The following PECAM1 variants were observed in gnomAD, a reference collection of about 807,000 sequenced individuals.
The protein encoded by PECAM1 is platelet and endothelial cell adhesion molecule 1, also known as platelet endothelial cell adhesion molecule.
A neutral mutation model predicts 13.8 loss-of-function variants in PECAM1; 8 were observed. The ratio of observed to expected loss-of-function variants is 0.58; its 90% CI spans 0.34 to 1.05. PECAM1 has a LOEUF of 1.05. Among genes scored for constraint, PECAM1 ranks in the 50% least tolerant of loss-of-function variants. The pLI is 0.03. For missense variants in PECAM1, 304 were observed against 141.2 expected, an observed-to-expected ratio of 2.15 and a Z score of -5.84; for synonymous variants, 136 against 52.6, an observed-to-expected ratio of 2.58 and a Z score of -6.86.
intron 13 of PECAM1, among the ~76,000 whole-genome samples, chr17:64,345,827 C>A (rs967036846): frequency 6.6e-6 from 1 of 151,546 alleles, no homozygotes; most frequent in African/African-American, 2.4e-5. Flanking sequence ...CAGTACACAA[C>A]CCCCGGGGGC....
intron 2 of PECAM1, among the ~76,000 whole-genome samples, chr17:64,388,093 A>T (rs895723594): frequency 1.3e-5 from 2 of 152,152 alleles, no homozygotes; most frequent in African/African-American, 2.4e-5. Flanking sequence ...TCCCTGTGCC[A>T]TGTGCTGCAG....
chr17:64,337,836 T>G (rs1431677597), intron 14 of PECAM1, among the ~76,000 whole-genome samples: 2 of 151,962 alleles, frequency 1.3e-5, no homozygotes, highest in Non-Finnish European at 2.9e-5. Context: ...ATAAGGATTG[T>G]TTTGAGCTGG....
chr17:64,361,909 CGT>C (rs1292200391), intron 6 of PECAM1, among the ~76,000 whole-genome samples: 2 of 152,024 alleles, frequency 1.3e-5, no homozygotes, highest in African/African-American at 4.8e-5. Flanking sequence ...TAAAATAAAA[CGT>C]TATAACACAC....
intron 2 of PECAM1, among the ~76,000 whole-genome samples, chr17:64,383,155 T>C (rs1223240020): frequency 6.6e-6 from 1 of 152,228 alleles, no homozygotes; most frequent in African/African-American, 2.4e-5. Context: ...GAGTCATTCA[T>C]CTGCTCTCCT....
At position 64,386,764 on chromosome 17, in the gene PECAM1, C is replaced by T. The variant is rs892890543; in HGVS notation, c.91+3725G>A. On this transcript the variant is annotated intron_variant, in intron 2 of 15. Coordinates refer to ENST00000563924, the MANE Select transcript of PECAM1 (RefSeq NM_000442.5). ...CTGGGCAACAAAATGAGACCCCAGT[C>T]TCTACAAAAACAAACAAACAAACAG... is the stretch of plus-strand genomic sequence containing the variant. Among the ~76,000 whole-genome samples, 7 of 152,210 alleles carry T rather than the reference C, an allele frequency of 4.6e-5. No individual in the cohort carries two copies. In the South Asian group the frequency reaches 1.0e-3, roughly 23 times the overall value.
At chr17:64,358,770 C>T (rs991005661) in intron 7 of PECAM1, among the ~76,000 whole-genome samples, 1 of 151,958 alleles carries the variant, frequency 6.6e-6, no homozygotes, top group Admixed American at 6.6e-5. Context: ...ATGCCTCACA[C>T]CATTAGGTGC....
intron 2 of PECAM1, among the ~76,000 whole-genome samples, chr17:64,385,654 A>G (rs2036576678): frequency 6.6e-6 from 1 of 152,162 alleles, no homozygotes; most frequent in Non-Finnish European, 1.5e-5. Context: ...CCCAAACAGC[A>G]AAGGTTGCTG....
intron 7 of PECAM1, among the ~76,000 whole-genome samples, chr17:64,357,933 C>T (rs906997125): frequency 6.6e-6 from 1 of 152,078 alleles, no homozygotes; most frequent in Non-Finnish European, 1.5e-5. Flanking sequence ...AACTCATTTG[C>T]ATCCTGTCCT....
chr17:64,332,494 G>T (rs887894026), intron 14 of PECAM1, among the ~76,000 whole-genome samples: 15 of 152,186 alleles, frequency 9.9e-5, no homozygotes, highest in Non-Finnish European at 1.8e-4. Flanking sequence ...TTTGGTAACA[G>T]AGCAATCATC....
Position 64,321,073 on chromosome 17 carries a change from T to G in PECAM1, c.*2743A>C, listed in dbSNP as rs1231310307. 1 of 151,500 alleles carries G rather than the reference T, an allele frequency of 6.6e-6. No homozygotes were observed. The highest frequency in any genetic ancestry group is 2.4e-5 in the African/African-American group (1 of 41,162). 9.4% of individuals were successfully genotyped at this position (151,500 alleles called of 1,614,324 possible). Reference sequence around the variant, plus strand: ...CCTGTCTTGAGTCTAGGTCGGGGAGTGGGTTCAGTTAGCCAATCAGAGAAC... The same window carrying G: ...CCTGTCTTGAGTCTAGGTCGGGGAGGGGGTTCAGTTAGCCAATCAGAGAAC... On this transcript the variant is annotated 3_prime_UTR_variant, in exon 16 of 16. Transcript: ENST00000563924.
At chr17:64,325,068 A>G (rs2034908519) in intron 15 of PECAM1, among the ~76,000 whole-genome samples, 1 of 152,246 alleles carries the variant, frequency 6.6e-6, no homozygotes, top group African/African-American at 2.4e-5. Flanking sequence ...TATACACTTT[A>G]AAATGGTTAA....
intron 13 of PECAM1, among the ~76,000 whole-genome samples, chr17:64,345,364 G>A (rs1359839776): frequency 2.0e-5 from 3 of 152,244 alleles, no homozygotes; most frequent in African/African-American, 7.2e-5. Flanking sequence ...TGCTGCCTGC[G>A]TAGGGCCTTA....
At chr17:64,326,996 G>A (rs2034976416) in intron 15 of PECAM1, among the ~76,000 whole-genome samples, 1 of 152,200 alleles carries the variant, frequency 6.6e-6, no homozygotes, top group East Asian at 1.9e-4. Context: ...ACCAAGTGAG[G>A]GAGTTTATGA....
chr17:64,321,324 G>C lies in PECAM1; in HGVS notation c.*2492C>G. On this transcript the variant is annotated 3_prime_UTR_variant, in exon 16 of 16. Transcript: ENST00000563924. The stretch of plus-strand genomic sequence containing the variant: ...CTTCAGGTTTAGACACCGGGGTTAC[G>C]GCAGCTGCCGAGGAAGGCTAAAGCC... 1 of 603,018 alleles carries C rather than the reference G, an allele frequency of 1.7e-6. No individual in the cohort carries two copies. Among genetic ancestry groups the C allele is most frequent in the Non-Finnish European group, 2.1e-6 (1 of 480,726 alleles). The allele number at this position is 603,018 out of a possible 1,614,324, so 37.4% of individuals were successfully genotyped here. A position where few individuals can be genotyped will look rare whatever the true frequency, so the allele number is the denominator to read the frequency against.
At chr17:64,365,443 G>C (rs2143829143) in intron 5 of PECAM1, among the ~76,000 whole-genome samples, 1 of 149,796 alleles carries the variant, frequency 6.7e-6, no homozygotes, top group East Asian at 2.0e-4. Flanking sequence ...AGCTACCAAT[G>C]ACTTTCTTCA....
At chr17:64,369,670 T>C (rs1272250911) in intron 5 of PECAM1, 80 bp downstream of exon 5, 2 of 398,166 alleles carry the variant, frequency 5.0e-6, no homozygotes, top group Non-Finnish European at 8.8e-6. Context: ...GTATCAGCTC[T>C]CTTTGGCCAT....
chr17:64,388,055 A>G (rs1380278089), intron 2 of PECAM1, among the ~76,000 whole-genome samples: 22 of 137,522 alleles, frequency 1.6e-4, no homozygotes, highest in Non-Finnish European at 2.3e-4. Flanking sequence ...AACAAGGCAG[A>G]GGCCTGAGGA....
chr17:64,340,222 G>A (rs1050725000), intron 14 of PECAM1, among the ~76,000 whole-genome samples: 4 of 152,168 alleles, frequency 2.6e-5, no homozygotes, highest in Non-Finnish European at 5.9e-5. Flanking sequence ...ATCTGAAGCT[G>A]GCTAAGTTCA....
chr17:64,355,074 T>C, intron 8 of PECAM1, 34 bp from the exon 9 acceptor site: 3 of 472,228 alleles, frequency 6.4e-6, no homozygotes, highest in Non-Finnish European at 1.2e-5. Flanking sequence ...ATTTTTTTTG[T>C]ATATAGGCTC....
Sources: allele counts gnomAD v4.1 joint callset (sites outside exome capture counted in the v4.1 genomes callset), GRCh38; gene constraint gnomAD v4.1.1; transcripts MANE v1.5; gene names NCBI Gene and HGNC (gene_info 2026-07-23, HGNC 2026-07-21).